PRPF40B: variants seen among roughly 807,000 people sequenced by gnomAD.
PRPF40B encodes pre-mRNA-processing factor 40 homolog B.
Under a neutral mutation model 124.5 loss-of-function variants are expected in PRPF40B, and 56 were observed. That is an observed-to-expected ratio of 0.45 (90% CI 0.36 to 0.56). PRPF40B has a LOEUF of 0.56. PRPF40B is among the 20% of genes least tolerant of loss of function. The probability of loss-of-function intolerance (pLI) is 0.00; values close to 1 mark genes in which losing one functional copy is unlikely to be tolerated. For synonymous variants in PRPF40B, 443 were observed against 426.4 expected (o/e 1.04, Z -0.48); for missense variants, 1,053 against 1,169.5 (o/e 0.90, Z 1.45).
chr12:49,641,038 G>A (rs1195568076), intron 18 of PRPF40B: 2 of 152,272 alleles, frequency 1.3e-5, no homozygotes, highest in Non-Finnish European at 2.9e-5. Flanking sequence ...TGTGGAGGGA[G>A]AGAAAGGGAA....
intron 1 of PRPF40B, among the ~76,000 whole-genome samples, chr12:49,625,007 A>C (rs1267842744): frequency 6.6e-6 from 1 of 152,178 alleles, no homozygotes; most frequent in Non-Finnish European, 1.5e-5. Context: ...GGCCGCAGGT[A>C]GATCACAGGG....
chr12:49,627,152 T>G (rs1422481972), intron 1 of PRPF40B, among the ~76,000 whole-genome samples: 1 of 152,192 alleles, frequency 6.6e-6, no homozygotes, highest in Non-Finnish European at 1.5e-5. Context: ...GTCCCTGCCC[T>G]TCAGTGTTTT....
At chr12:49,641,758 G>T (rs1592617557) in intron 18 of PRPF40B, 150 bp from the exon 19 acceptor site, 1 of 631,360 alleles carries the variant, frequency 1.6e-6, no homozygotes, top group East Asian at 2.7e-5. Context: ...ATGAGGACTT[G>T]GATAACTTGG....
chr12:49,643,344 G>A lies in PRPF40B; in HGVS notation c.2327G>A (p.Gly776Glu), dbSNP rs114821665. 12 of 1,604,830 alleles carry A rather than the reference G, an allele frequency of 7.5e-6. No homozygotes were observed. Among genetic ancestry groups the A allele is most frequent in the Admixed American group, 1.7e-5 (1 of 58,052 alleles). The change falls in exon 23 of 26, where the codon GGG becomes GAG. Residue 776 changes from glycine to glutamate, a missense_variant. By Grantham distance (98) the Gly-to-Glu change is moderately conservative. Around this residue, in one of 2 missense-constraint regions of PRPF40B, gnomAD observed 895 missense variants for 1,052.2 expected, o/e 0.85. Transcript: ENST00000548825. ...PSSSLDSVES[G>E]GAALGGRGSP... ...TCCTCACTTGATTCAGTTGAAAGTG[G>A]GGGTGCTGCCCTTGGAGGACGGGGC...
Position 49,635,293 on chromosome 12 carries a change from G to A in PRPF40B, c.1166+30G>A. 6.2e-7 allele frequency: 1 copy of A among 1,609,946 alleles called. No homozygotes were observed. The highest frequency in any genetic ancestry group is 8.5e-7 in the Non-Finnish European group (1 of 1,177,916). On this transcript the variant is annotated intron_variant, in intron 13 of 25. Transcript: ENST00000548825. This position sits in a 1 kb window ranked among gnomAD's most constrained non-coding sequence, Gnocchi z 4.1. ...GGGGGCCAGGCTGGGCTGGGACTTG[G>A]GAACCCTGAGAACACAAAGGTCCAG...
In PRPF40B at chr12:49,637,722, C is replaced by G. The variant is rs1364203438; in HGVS notation, c.1676-11C>G. 3 of 1,581,188 alleles carry G rather than the reference C, an allele frequency of 1.9e-6. No homozygotes were observed. The highest frequency in any genetic ancestry group is 2.0e-4 in the Middle Eastern group (1 of 4,896). Reference sequence around the variant, plus strand: ...GCCGCCCGCCAGGCCCCCCTCCCTCCCTCCTTACAGGCTCCACCCCTCTGG... The same window carrying G: ...GCCGCCCGCCAGGCCCCCCTCCCTCGCTCCTTACAGGCTCCACCCCTCTGG... On this transcript the variant is annotated splice_polypyrimidine_tract_variant and intron_variant, in intron 17 of 25. Coordinates refer to ENST00000548825, the MANE Select transcript of PRPF40B (RefSeq NM_001031698.3).
chr12:49,633,653 G>A lies in PRPF40B; in HGVS notation c.597G>A (p.Glu199=). The change falls in exon 9 of 26, where the codon GAG becomes GAA. Residue 199 remains glutamate (E), a synonymous_variant. Coordinates refer to ENST00000548825, the MANE Select transcript of PRPF40B (RefSeq NM_001031698.3). ...CCATCACAGTTCTAGTCAAACAAGA[G>A]GCTGCAGGGTGAGTGACTTGCCCAC... The part of the protein sequence containing the change: ...LDDLEVLVKQ[E]AAGKQQQQLP... The A allele has an allele frequency of 6.2e-7, 1 of 1,614,184 alleles. No homozygotes were observed. The highest frequency in any genetic ancestry group is 8.5e-7 in the Non-Finnish European group (1 of 1,180,038).
chr12:49,623,674 G>T (rs1368968239), intron 1 of PRPF40B, 81 bp downstream of exon 1: 12 of 1,227,856 alleles, frequency 9.8e-6, no homozygotes, highest in Non-Finnish European at 1.1e-5. Context: ...CCGATGGGGC[G>T]GGGAGGCCGC....
In PRPF40B at chr12:49,630,574, A is replaced by T. The variant is rs1386495385; in HGVS notation, c.33A>T (p.Pro11=). MSVPDSGPRP[P]AAPAPFPPGP... is the part of the protein sequence containing the mutation. ...TTCCCGATTCTGGTCCCCGGCCCCC[A>T]GCAGCGCCTGCCCCCTTCCCACCGG... The change falls in exon 2 of 26, where the codon CCA becomes CCT. Residue 11 remains proline, a synonymous_variant. Transcript: ENST00000548825. The T allele has an allele frequency of 2.1e-6, 3 of 1,424,340 alleles. No homozygotes were observed. The highest frequency in any genetic ancestry group is 2.0e-6 in the Non-Finnish European group (2 of 1,014,472). 88.2% of individuals were successfully genotyped at this position (1,424,340 alleles called of 1,614,324 possible). A position where few individuals can be genotyped will look rare whatever the true frequency, so the allele number is the denominator to read the frequency against.
Position 49,642,545 on chromosome 12 carries a change from G to A in PRPF40B, c.2023-35G>A, listed in dbSNP as rs1383597983. ...CGGTGTCCAGGCCAGGCTGAGTGGG[G>A]CCTAGTCTGATCAGCAGTGCTCTCC... On this transcript the variant is annotated intron_variant, in intron 20 of 25. Transcript: ENST00000548825. This position sits in a 1 kb window ranked among gnomAD's most constrained non-coding sequence, Gnocchi z 5.8. 1.2e-6 allele frequency: 2 copies of A among 1,610,900 alleles called. No individual in the cohort carries two copies. The highest frequency in any genetic ancestry group is 3.3e-5 in the Admixed American group (2 of 59,980).
rs1380205487 is a variant in PRPF40B, at chr12:49,624,074, T to C, written c.3+481T>C. On this transcript the variant is annotated intron_variant, in intron 1 of 25. Transcript: ENST00000548825. ...GACTCCCTGCTTCACCTTCCTGCAT[T>C]TGCAAGAGCTTGTCTCCTGAGGTGG... is the stretch of plus-strand genomic sequence containing the variant. The C allele has an allele frequency of 3.0e-6, 3 of 987,960 alleles. No individual in the cohort carries two copies. In the African/African-American group the frequency reaches 5.2e-5, roughly 17 times the overall value. 61.2% of individuals were successfully genotyped at this position (987,960 alleles called of 1,614,324 possible). A position where few individuals can be genotyped will look rare whatever the true frequency, so the allele number is the denominator to read the frequency against.
At position 49,641,889 on chromosome 12, in the gene PRPF40B, T is replaced by C. The variant is rs202101825; in HGVS notation, c.1768-19T>C. 17 of 1,609,394 alleles carry C rather than the reference T, an allele frequency of 1.1e-5. No homozygotes were observed. The highest frequency in any genetic ancestry group is 2.2e-5 in the South Asian group (2 of 90,972). On this transcript the variant is annotated intron_variant, in intron 18 of 25. Coordinates refer to ENST00000548825, the MANE Select transcript of PRPF40B (RefSeq NM_001031698.3). ...TCAGGCACGTGGTGCCCCTGCTTCA[T>C]GCACTGCTGTACCCACAGGACCGGG...
rs1370488003 is a variant in PRPF40B at position 49,634,525 on chromosome 12, T to A, written c.937-13T>A. The A allele has an allele frequency of 6.2e-7, 1 of 1,614,216 alleles. No homozygotes were observed. Among genetic ancestry groups the A allele is most frequent in the Middle Eastern group, 1.7e-4 (1 of 6,060 alleles). ...CGGGGCAGGCCCCATGACTCCCACC[T>A]GCTTCATTCCAGGCTGTCCCCTCCA... On this transcript the variant is annotated splice_polypyrimidine_tract_variant and intron_variant, in intron 11 of 25. Coordinates refer to ENST00000548825, the MANE Select transcript of PRPF40B (RefSeq NM_001031698.3).
chr12:49,636,616 T>G, intron 15 of PRPF40B, 100 bp from the exon 16 acceptor site: 1 of 1,541,874 alleles, frequency 6.5e-7, no homozygotes, highest in Non-Finnish European at 8.9e-7. Flanking sequence ...TGGGTATCCC[T>G]AGCACCTGTA....
intron 15 of PRPF40B, 158 bp from the exon 16 acceptor site, chr12:49,636,558 C>T (rs1322438469): frequency 2.6e-6 from 2 of 766,118 alleles, no homozygotes; most frequent in African/African-American, 1.7e-5. Context: ...ACTACCATTG[C>T]AGTGGCTGCT....
chr12:49,632,255 C>T, intron 4 of PRPF40B: 1 of 577,084 alleles, frequency 1.7e-6, no homozygotes, highest in South Asian at 2.3e-5. Context: ...GAGTCAGTAG[C>T]ACCTGGGGAT....
At chr12:49,624,012 C>G (rs1278943980) in intron 1 of PRPF40B, 1 of 1,006,328 alleles carries the variant, frequency 9.9e-7, no homozygotes, top group Non-Finnish European at 1.2e-6. Context: ...AGCGCCCGTT[C>G]CCTTTGGAAG....
rs1343549726 is a variant in PRPF40B, at chr12:49,642,196, C to T, written c.1885-39C>T. The T allele has an allele frequency of 4.3e-6, 7 of 1,613,802 alleles. No homozygotes were observed. The highest frequency in any genetic ancestry group is 5.9e-6 in the Non-Finnish European group (7 of 1,179,948). ...GCCTGAGTGGGACCTGGCATCCACC[C>T]TCCTGGGTGACCCTGTTCCGTGTCC... On this transcript the variant is annotated intron_variant, in intron 19 of 25. Coordinates refer to ENST00000548825, the MANE Select transcript of PRPF40B (RefSeq NM_001031698.3). The surrounding 1 kb of genome is among the most constrained non-coding windows in gnomAD (Gnocchi z 5.8).
intron 1 of PRPF40B, among the ~76,000 whole-genome samples, chr12:49,624,382 C>CGG (rs1038364512): frequency 6.6e-6 from 1 of 151,734 alleles, no homozygotes; most frequent in African/African-American, 2.4e-5. Context: ...CCCACGGGTG[C>CGG]GGGGGGATGG....
Sources: allele counts gnomAD v4.1 joint callset (sites outside exome capture counted in the v4.1 genomes callset), GRCh38; gene constraint gnomAD v4.1.1; regional missense constraint gnomAD v4.1.1; non-coding constraint Gnocchi (gnomAD v3.1); transcripts MANE v1.5; gene names NCBI Gene and HGNC (gene_info 2026-07-23, HGNC 2026-07-21).